The following SMIM41 variants were observed in gnomAD, a reference collection of about 807,000 sequenced individuals.
SMIM41 encodes the protein small integral membrane protein 41.
intron 2 of SMIM41, among the ~76,000 whole-genome samples, chr12:52,093,845 G>T (rs1940044100): frequency 6.6e-6 from 1 of 152,098 alleles, no homozygotes; most frequent in South Asian, 2.1e-4. Context: ...GAAAAATCTG[G>T]CCGGGTGGGG....
At chr12:52,094,433 C>T (rs1940056784) in intron 2 of SMIM41, among the ~76,000 whole-genome samples, 1 of 152,092 alleles carries the variant, frequency 6.6e-6, no homozygotes, top group Admixed American at 6.5e-5. Flanking sequence ...GAACTCCTGA[C>T]CTCAGGTGAT....
chr12:52,103,113 G>T (rs1393914519), intron 2 of SMIM41, among the ~76,000 whole-genome samples: 2 of 152,124 alleles, frequency 1.3e-5, no homozygotes, highest in African/African-American at 2.4e-5. Flanking sequence ...ATCACCTGAG[G>T]TCAGGAGTTC....
At position 52,107,374 on chromosome 12, in the gene SMIM41, C is replaced by T; in HGVS notation, c.*196-5C>T. On this transcript the variant is annotated splice_polypyrimidine_tract_variant and splice_region_variant and intron_variant, in intron 2 of 2. Coordinates refer to ENST00000546390, the MANE Select transcript of SMIM41 (RefSeq NM_001369216.1). Reference sequence around the variant, plus strand: ...TAACAGATGTCTCTATATTCCTCCTCCTAGAACCTCAGAGGATCCAGAACG... The same window carrying T: ...TAACAGATGTCTCTATATTCCTCCTTCTAGAACCTCAGAGGATCCAGAACG... 1 of 535,168 alleles carries T rather than the reference C, an allele frequency of 1.9e-6. No individual in the cohort carries two copies. The highest frequency in any genetic ancestry group is 3.7e-6 in the Non-Finnish European group (1 of 270,018). The allele number at this position is 535,168 out of a possible 1,614,324, so 33.2% of individuals were successfully genotyped here.
chr12:52,097,862 T>C lies in SMIM41; in HGVS notation c.*196-9517T>C, dbSNP rs149095784. 6.1e-3 allele frequency among the ~76,000 whole-genome samples: 930 copies of C among 152,104 alleles called. 3 individuals carry two copies. Among genetic ancestry groups the C allele is most frequent in the Non-Finnish European group, 9.0e-3 (611 of 67,962 alleles). ...TTTCTTGTGATATAGAGAGTAGTAG[T>C]ATTTTCTTCCCCGCTGGATATTAAA... is the stretch of plus-strand genomic sequence containing the variant. On this transcript the variant is annotated intron_variant, in intron 2 of 2. Coordinates refer to ENST00000546390, the MANE Select transcript of SMIM41 (RefSeq NM_001369216.1).
At chr12:52,087,981 C>T (rs534923175) in intron 2 of SMIM41, among the ~76,000 whole-genome samples, 3 of 152,336 alleles carry the variant, frequency 2.0e-5, no homozygotes, top group Admixed American at 6.5e-5. Flanking sequence ...CGCCACCTCT[C>T]GGCCCGTGGC....
intron 2 of SMIM41, among the ~76,000 whole-genome samples, chr12:52,096,078 T>C (rs1304389571): frequency 2.6e-5 from 4 of 151,028 alleles, no homozygotes; most frequent in South Asian, 4.2e-4. Flanking sequence ...ACATCTCCTG[T>C]TGTATGGGGA....
chr12:52,106,823 T>G (rs776106547), intron 2 of SMIM41, among the ~76,000 whole-genome samples: 1 of 152,272 alleles, frequency 6.6e-6, no homozygotes, highest in African/African-American at 2.4e-5. Flanking sequence ...TTTCTGCTTA[T>G]GAACTATCAA....
At chr12:52,097,793 T>C (rs1940126439) in intron 2 of SMIM41, among the ~76,000 whole-genome samples, 1 of 152,060 alleles carries the variant, frequency 6.6e-6, no homozygotes, top group Admixed American at 6.5e-5. Context: ...CATCATTCTC[T>C]CTACCCCTGG....
intron 2 of SMIM41, chr12:52,093,429 T>C (rs1261846923): frequency 6.6e-6 from 1 of 152,204 alleles, no homozygotes. Flanking sequence ...GGAAGGCCTG[T>C]TCCTTGCAGG....
At chr12:52,106,690 TATAGC>T (rs1356236728) in intron 2 of SMIM41, among the ~76,000 whole-genome samples, 2 of 149,428 alleles carry the variant, frequency 1.3e-5, no homozygotes, top group Non-Finnish European at 2.9e-5. Flanking sequence ...GGACAGGAGT[TATAGC>T]TTACATGAAT....
chr12:52,089,761 T>A lies in SMIM41; in HGVS notation c.*195+5793T>A, dbSNP rs537999955. ...CCCAGCTCTGTCCCATCACATGGTG[T>A]TCTTCCCGCGTCTCTGTCTCCAAAT... On this transcript the variant is annotated intron_variant, in intron 2 of 2. Transcript: ENST00000546390. 2.0e-5 allele frequency among the ~76,000 whole-genome samples: 3 copies of A among 152,358 alleles called. No homozygotes were observed. The East Asian group carries it at 5.8e-4, about 29-fold the overall frequency.
chr12:52,102,708 A>G (rs1323253515), intron 2 of SMIM41, among the ~76,000 whole-genome samples: 4 of 152,226 alleles, frequency 2.6e-5, no homozygotes, highest in Non-Finnish European at 5.9e-5. Context: ...TATGATAAAC[A>G]AGCATTGGTG....
chr12:52,107,630 G>A lies in SMIM41; in HGVS notation c.*447G>A, dbSNP rs555122416. 2.0e-5 allele frequency: 12 copies of A among 590,198 alleles called. No homozygotes were observed. The highest frequency in any genetic ancestry group is 1.1e-4 in the African/African-American group (6 of 53,684). 36.6% of individuals were successfully genotyped at this position (590,198 alleles called of 1,614,324 possible). A position where few individuals can be genotyped will look rare whatever the true frequency, so the allele number is the denominator to read the frequency against. On this transcript the variant is annotated 3_prime_UTR_variant, in exon 3 of 3. Transcript: ENST00000546390. ...TCTCCTATGCAGGCTGCCTGACTCA[G>A]AAGTCTCTCTTTGCCATTTTTGGAG... is the stretch of plus-strand genomic sequence containing the variant.
chr12:52,102,322 A>G (rs1328287571), intron 2 of SMIM41, among the ~76,000 whole-genome samples: 1 of 152,258 alleles, frequency 6.6e-6, no homozygotes, highest in Non-Finnish European at 1.5e-5. Context: ...AGATTGGGCA[A>G]TGCTTTCTGG....
chr12:52,086,453 A>G (rs1488779499), intron 2 of SMIM41, among the ~76,000 whole-genome samples: 3 of 152,170 alleles, frequency 2.0e-5, no homozygotes, highest in African/African-American at 4.8e-5. Flanking sequence ...TCCCAGGCAC[A>G]TGTCTCACCT....
intron 2 of SMIM41, among the ~76,000 whole-genome samples, chr12:52,093,371 T>C (rs953617394): frequency 2.8e-4 from 43 of 152,218 alleles, no homozygotes; most frequent in African/African-American, 9.6e-4. Context: ...TGTTGTACTC[T>C]GTGGTTCCGG....
chr12:52,090,129 G>A (rs1175495527), intron 2 of SMIM41, among the ~76,000 whole-genome samples: 1 of 152,138 alleles, frequency 6.6e-6, no homozygotes, highest in Non-Finnish European at 1.5e-5. Context: ...GAAGTGTGAT[G>A]GTGTGATCTT....
At chr12:52,103,592 C>T (rs1241224401) in intron 2 of SMIM41, among the ~76,000 whole-genome samples, 1 of 151,876 alleles carries the variant, frequency 6.6e-6, no homozygotes, top group East Asian at 1.9e-4. Flanking sequence ...AAGCTTGTCT[C>T]TATTAAAAAT....
rs1263117107 is a variant in SMIM41 at position 52,079,978 on chromosome 12, G to A, written c.199G>A (p.Ala67Thr). Residue 67 changes from alanine to threonine, a missense_variant, in exon 1 of 3, where the codon GCG (alanine) becomes ACG (threonine). Coordinates refer to ENST00000546390, the MANE Select transcript of SMIM41 (RefSeq NM_001369216.1). Reference protein sequence around the residue: ...GLLLRAQGLTALLTREQRASR... With the variant: ...GLLLRAQGLTTLLTREQRASR... ...CCTCCTCCGCGCCCAGGGCCTGACA[G>A]CGCTGCTGACCCGCGAGCAGCGCGC... 5.2e-6 allele frequency: 2 copies of A among 382,202 alleles called. No individual in the cohort carries two copies. The highest frequency in any genetic ancestry group is 9.0e-5 in the Admixed American group (2 of 22,156). 23.7% of individuals were successfully genotyped at this position (382,202 alleles called of 1,614,324 possible).
Sources: allele counts gnomAD v4.1 joint callset (sites outside exome capture counted in the v4.1 genomes callset), GRCh38; gene constraint gnomAD v4.1.1; transcripts MANE v1.5; gene names NCBI Gene and HGNC (gene_info 2026-07-23, HGNC 2026-07-21).